Variants in GABBR2 observed in about 807,000 individuals in gnomAD.
The protein encoded by GABBR2 is gamma-aminobutyric acid type B receptor subunit 2, also known as G-protein coupled receptor 51.
GABBR2 carries 23 observed loss-of-function variants against 105.6 expected under a neutral mutation model. The observed-to-expected ratio is 0.22, with a 90% CI of 0.16 to 0.31. The LOEUF (loss-of-function observed/expected upper bound fraction) is 0.31, where lower values mean the gene tolerates loss of function less well. GABBR2 is among the 10% of genes least tolerant of loss of function. The pLI is 1.00. For synonymous variants in GABBR2, 478 were observed against 499.7 expected (o/e 0.96, Z 0.58); for missense variants, 734 against 1,245.5 (o/e 0.59, Z 6.18).
intron 3 of GABBR2, among the ~76,000 whole-genome samples, chr9:98,540,853 A>T (rs1317612747): frequency 2.6e-5 from 4 of 152,214 alleles, no homozygotes. Flanking sequence ...TACTCATCTG[A>T]GTGAGGCTAA....
intron 7 of GABBR2, among the ~76,000 whole-genome samples, chr9:98,436,323 T>TACC (rs1355195713): frequency 0.013 from 694 of 51,664 alleles, 66 homozygotes; most frequent in African/African-American, 0.024. Flanking sequence ...ATACCATATA[T>TACC]ATATATATAC....
intron 1 of GABBR2, among the ~76,000 whole-genome samples, chr9:98,594,641 G>A (rs1180396227): frequency 6.6e-6 from 1 of 152,208 alleles, no homozygotes; most frequent in East Asian, 1.9e-4. Flanking sequence ...CCCTCAACAA[G>A]ATGGCTGGCA....
chr9:98,442,372 T>G (rs950610023), intron 7 of GABBR2, among the ~76,000 whole-genome samples: 3 of 152,246 alleles, frequency 2.0e-5, no homozygotes, highest in African/African-American at 7.2e-5. Context: ...CTTCTCGGGC[T>G]AGATTCTTTT....
chr9:98,294,856 A>G (rs1830355964), intron 17 of GABBR2, among the ~76,000 whole-genome samples: 2 of 152,234 alleles, frequency 1.3e-5, no homozygotes, highest in African/African-American at 4.8e-5. Flanking sequence ...TACAGAAGTT[A>G]TAGGACCTCC....
rs544608033 is a variant in GABBR2 at position 98,447,476 on chromosome 9, A to G, written c.1236+6505T>C. Among the ~76,000 whole-genome samples, 20 of 152,224 alleles carry G rather than the reference A, an allele frequency of 1.3e-4. 1 individual carries two copies. In the East Asian group the frequency reaches 3.5e-3, roughly 26 times the overall value. On this transcript the variant is annotated intron_variant, in intron 7 of 18. Transcript: ENST00000259455. ...ATTGGAAAGTAAAACCAGGACCCCAAAAGATCAAACAGGCAGGAGAGATGG... is the reference window on the plus strand; with the variant it reads ...ATTGGAAAGTAAAACCAGGACCCCAGAAGATCAAACAGGCAGGAGAGATGG...
chr9:98,590,367 G>T (rs372981547), intron 1 of GABBR2, among the ~76,000 whole-genome samples: 1 of 152,144 alleles, frequency 6.6e-6, no homozygotes, highest in Admixed American at 6.5e-5. Flanking sequence ...TGAATTCTTG[G>T]CCGGCTGCAG....
rs10987277 is a variant in GABBR2 at position 98,662,183 on chromosome 9, T to C, written c.321+46234A>G. 5.4e-3 allele frequency among the ~76,000 whole-genome samples: 816 copies of C among 152,206 alleles called. 6 individuals carry two copies. The highest frequency in any genetic ancestry group is 0.019 in the African/African-American group (774 of 41,508). ...ATCGTTTTCAGAGCAAAATCTAATA[T>C]GAGATTTTGGAGCTGGCAGTGAGAA... is the stretch of plus-strand genomic sequence containing the variant. On this transcript the variant is annotated intron_variant, in intron 1 of 18. Coordinates refer to ENST00000259455, the MANE Select transcript of GABBR2 (RefSeq NM_005458.8).
At chr9:98,356,000 C>A (rs1021859610) in intron 13 of GABBR2, among the ~76,000 whole-genome samples, 3 of 152,148 alleles carry the variant, frequency 2.0e-5, no homozygotes, top group Non-Finnish European at 4.4e-5. Flanking sequence ...AACAACTGGA[C>A]AACACGCAAA....
In GABBR2 at chr9:98,598,030, CCAGGCTGGTCTTGAACTCCTGAGCT is replaced by C. The variant is rs764068925; in HGVS notation, c.322-19983_322-19959del. 3.9e-5 allele frequency among the ~76,000 whole-genome samples: 6 copies of C among 152,116 alleles called. No individual in the cohort carries two copies. In the East Asian group the frequency reaches 1.2e-3, roughly 29 times the overall value. ...TAGAGATGGGGTTTCACCATGTTGCCCAGGCTGGTCTTGAACTCCTGAGCTCAGGCAATCCACCCGCCTTGGCCTC... is the reference window on the plus strand; with the variant it reads ...TAGAGATGGGGTTTCACCATGTTGCCCAGGCAATCCACCCGCCTTGGCCTC... On this transcript the variant is annotated intron_variant, in intron 1 of 18. Transcript: ENST00000259455.
chr9:98,463,456 C>A (rs1930417), intron 6 of GABBR2, among the ~76,000 whole-genome samples: 80,245 of 151,900 alleles, frequency 0.53, 21,387 homozygotes, highest in Non-Finnish European at 0.56. Flanking sequence ...ACAGTTTTGA[C>A]GAACTAAGAT....
intron 3 of GABBR2, among the ~76,000 whole-genome samples, chr9:98,540,683 G>GA (rs985585198): frequency 4.6e-5 from 7 of 152,182 alleles, no homozygotes; most frequent in African/African-American, 1.7e-4. Context: ...CTCACACATG[G>GA]AAATCCTCCA....
intron 7 of GABBR2, among the ~76,000 whole-genome samples, chr9:98,410,168 C>CA (rs1391128821): frequency 3.3e-5 from 5 of 151,322 alleles, no homozygotes; most frequent in African/African-American, 1.2e-4. Flanking sequence ...TCTCCCAGCA[C>CA]ATGTAGTCTT....
At chr9:98,489,487 G>T (rs1055549673) in intron 4 of GABBR2, among the ~76,000 whole-genome samples, 1 of 152,178 alleles carries the variant, frequency 6.6e-6, no homozygotes, top group African/African-American at 2.4e-5. Context: ...TTTGCTTACT[G>T]TCTCAAAGTT....
At chr9:98,557,876 A>G (rs922650945) in intron 2 of GABBR2, among the ~76,000 whole-genome samples, 1 of 152,254 alleles carries the variant, frequency 6.6e-6, no homozygotes, top group African/African-American at 2.4e-5. Flanking sequence ...CAGAGTCAAG[A>G]AAGTGATATG....
chr9:98,386,023 G>A (rs1224512239), intron 10 of GABBR2, among the ~76,000 whole-genome samples: 2 of 152,032 alleles, frequency 1.3e-5, no homozygotes, highest in Non-Finnish European at 2.9e-5. Context: ...AAAAGCTCTG[G>A]TTTCCTCTAC....
chr9:98,331,927 A>T (rs1279624486), intron 13 of GABBR2, among the ~76,000 whole-genome samples: 1 of 152,240 alleles, frequency 6.6e-6, no homozygotes, highest in Non-Finnish European at 1.5e-5. Context: ...AGGACAATAC[A>T]CATGGACAAA....
intron 3 of GABBR2, among the ~76,000 whole-genome samples, chr9:98,496,804 G>A (rs1176106462): frequency 6.6e-6 from 1 of 152,122 alleles, no homozygotes; most frequent in African/African-American, 2.4e-5. Context: ...CTTTGCTGGT[G>A]TTTCTCCACC....
chr9:98,491,213 T>C (rs571107507), intron 4 of GABBR2, among the ~76,000 whole-genome samples: 1 of 152,340 alleles, frequency 6.6e-6, no homozygotes, highest in East Asian at 1.9e-4. Flanking sequence ...CTTAATCCTG[T>C]TTGACACCTG....
At chr9:98,528,278 T>C (rs1441451309) in intron 3 of GABBR2, among the ~76,000 whole-genome samples, 2 of 151,946 alleles carry the variant, frequency 1.3e-5, no homozygotes, top group Admixed American at 6.6e-5. Context: ...GAAAGAAAAA[T>C]TGAGTGACTA....
Sources: gnomAD v4.1 joint callset for allele counts (sites outside exome capture counted in the v4.1 genomes callset) on GRCh38, gnomAD v4.1.1 for gene constraint, MANE v1.5 for transcripts, NCBI Gene and HGNC (gene_info 2026-07-23, HGNC 2026-07-21) for gene names.